PDE4B: variants seen among roughly 807,000 people sequenced by gnomAD.
The protein encoded by PDE4B is phosphodiesterase 4B.
A neutral mutation model predicts 82.2 loss-of-function variants in PDE4B; 20 were observed. That is an observed-to-expected ratio of 0.24 (90% CI 0.17 to 0.35). The LOEUF is 0.35. Ranked by LOEUF, PDE4B falls within the 10% of genes least tolerant of loss-of-function variation. The pLI, the probability that PDE4B is intolerant of heterozygous loss-of-function variation, is 1.00. For missense variants in PDE4B, 655 were observed against 907.2 expected, an observed-to-expected ratio of 0.72 and a Z score of 3.57; for synonymous variants, 320 against 318.9, an observed-to-expected ratio of 1.00 and a Z score of -0.04.
At chr1:65,936,502 G>A (rs1272055006) in intron 3 of PDE4B, among the ~76,000 whole-genome samples, 1 of 152,102 alleles carries the variant, frequency 6.6e-6, no homozygotes, top group African/African-American at 2.4e-5. Context: ...TGACTGTATT[G>A]GAAATAACAA....
intron 1 of PDE4B, among the ~76,000 whole-genome samples, chr1:65,890,484 G>C (rs2100383273): frequency 6.6e-6 from 1 of 152,174 alleles, no homozygotes; most frequent in East Asian, 1.9e-4. Flanking sequence ...TGAATATCCA[G>C]ATGAATTTAA....
At chr1:66,217,992 AAAGATTAAGCTG>A (rs948877265) in intron 3 of PDE4B, among the ~76,000 whole-genome samples, 1 of 152,114 alleles carries the variant, frequency 6.6e-6, no homozygotes, top group African/African-American at 2.4e-5. Context: ...TGTGTTATAG[AAAGATTAAGCTG>A]ACAACATTAT....
Position 66,372,342 on chromosome 1 carries a change from A to G in PDE4B, c.1875A>G (p.Pro625=). Residue 625 remains proline, a synonymous_variant, in exon 17 of 17, where the codon CCA becomes CCG. Transcript: ENST00000341517. ...GTTTCATCGACTACATTGTCCATCC[A>G]TTGTGGGAGACATGGGCAGATTTGG... ...QVGFIDYIVH[P]LWETWADLVQ... The G allele has an allele frequency of 6.2e-7, 1 of 1,613,380 alleles. No homozygotes were observed. Among genetic ancestry groups the G allele is most frequent in the Non-Finnish European group, 8.5e-7 (1 of 1,179,400 alleles).
intron 3 of PDE4B, among the ~76,000 whole-genome samples, chr1:65,997,180 G>C (rs1204930571): frequency 3.3e-5 from 4 of 119,914 alleles, no homozygotes; most frequent in Non-Finnish European, 6.3e-5. Flanking sequence ...CTGCATTGCT[G>C]CTCCTTTTTG....
intron 1 of PDE4B, among the ~76,000 whole-genome samples, chr1:65,889,283 C>T (rs1386064600): frequency 6.6e-6 from 1 of 151,856 alleles, no homozygotes; most frequent in African/African-American, 2.4e-5. Flanking sequence ...GGGATAAATC[C>T]CACTTGATCA....
chr1:66,164,535 C>CAAAAAAAAAAAA (rs10718019), intron 3 of PDE4B, among the ~76,000 whole-genome samples: 36 of 48,554 alleles, frequency 7.4e-4, no homozygotes, highest in Non-Finnish European at 9.2e-4. Context: ...GACTCCGTCT[C>CAAAAAAAAAAAA]AAAAAAAAAA....
intron 3 of PDE4B, among the ~76,000 whole-genome samples, chr1:66,228,555 C>T (rs539720559): frequency 3.9e-4 from 59 of 150,956 alleles, no homozygotes; most frequent in Non-Finnish European, 7.2e-4. Flanking sequence ...ACCCGGGAGG[C>T]GGAGCTTGCA....
intron 3 of PDE4B, among the ~76,000 whole-genome samples, chr1:66,015,247 AC>A (rs1207258730): frequency 6.6e-6 from 1 of 152,188 alleles, no homozygotes; most frequent in Admixed American, 6.6e-5. Flanking sequence ...ATTAGACTAT[AC>A]AATAATCAAG....
At chr1:66,106,726 A>C (rs1645367124) in intron 3 of PDE4B, among the ~76,000 whole-genome samples, 1 of 151,768 alleles carries the variant, frequency 6.6e-6, no homozygotes, top group Non-Finnish European at 1.5e-5. Flanking sequence ...TTATTTGCAT[A>C]GAGGTGTTTG....
chr1:66,251,427 A>G (rs1193586988), intron 4 of PDE4B, among the ~76,000 whole-genome samples: 1 of 152,198 alleles, frequency 6.6e-6, no homozygotes, highest in Non-Finnish European at 1.5e-5. Context: ...TAATGCTATT[A>G]ATTTCTGTTC....
At chr1:66,204,763 A>G (rs930999472) in intron 3 of PDE4B, among the ~76,000 whole-genome samples, 3 of 152,196 alleles carry the variant, frequency 2.0e-5, no homozygotes, top group Non-Finnish European at 4.4e-5. Flanking sequence ...TTCTTTGACT[A>G]GGAAAGGGAA....
intron 1 of PDE4B, among the ~76,000 whole-genome samples, chr1:65,873,737 T>C (rs1195041427): frequency 6.6e-6 from 1 of 152,212 alleles, no homozygotes; most frequent in Non-Finnish European, 1.5e-5. Flanking sequence ...CAACATTTTA[T>C]GAAAACGTGG....
At chr1:66,115,352 C>A (rs1023024400) in intron 3 of PDE4B, among the ~76,000 whole-genome samples, 3 of 152,146 alleles carry the variant, frequency 2.0e-5, no homozygotes, top group Admixed American at 1.3e-4. Flanking sequence ...TAACAACTCC[C>A]CAGATAGTTC....
chr1:65,848,407 G>C (rs1256680108), intron 1 of PDE4B, among the ~76,000 whole-genome samples: 1 of 152,080 alleles, frequency 6.6e-6, no homozygotes, highest in Non-Finnish European at 1.5e-5. Context: ...GCCTCCTAAA[G>C]TGTTGGGATT....
intron 1 of PDE4B, among the ~76,000 whole-genome samples, chr1:65,848,533 C>T (rs1022002042): frequency 2.0e-5 from 3 of 152,150 alleles, no homozygotes; most frequent in Admixed American, 2.0e-4. Context: ...TCTCTTGTGC[C>T]AACTTCTAGT....
chr1:66,262,087 G>C (rs539692), intron 6 of PDE4B, among the ~76,000 whole-genome samples: 32,916 of 152,142 alleles, frequency 0.22, 7,436 homozygotes, highest in African/African-American at 0.56. Flanking sequence ...ATAATTTAAT[G>C]AACATGTATG....
intron 3 of PDE4B, among the ~76,000 whole-genome samples, chr1:66,134,043 G>GAAAA (rs3036787): frequency 1.3e-5 from 2 of 148,560 alleles, no homozygotes. Flanking sequence ...CACAAAACTG[G>GAAAA]AAAAAAAAAA....
intron 3 of PDE4B, among the ~76,000 whole-genome samples, chr1:66,214,816 A>T (rs767603691): frequency 3.3e-5 from 5 of 152,154 alleles, no homozygotes; most frequent in Middle Eastern, 3.2e-3. Flanking sequence ...TGACAAATTC[A>T]GGATCCAAAA....
At chr1:65,999,907 A>G (rs1356497613) in intron 3 of PDE4B, among the ~76,000 whole-genome samples, 9 of 152,318 alleles carry the variant, frequency 5.9e-5, no homozygotes, top group East Asian at 5.8e-4. Context: ...TACTTACTCT[A>G]TAAGCATTCT....
Sources: allele counts gnomAD v4.1 joint callset (sites outside exome capture counted in the v4.1 genomes callset), GRCh38; gene constraint gnomAD v4.1.1; transcripts MANE v1.5; gene names NCBI Gene and HGNC (gene_info 2026-07-23, HGNC 2026-07-21).